Variants in UTS2B observed in about 807,000 individuals in gnomAD.
UTS2B encodes the protein urotensin-2B.
UTS2B carries 21 observed loss-of-function variants against 19.2 expected under a neutral mutation model. The ratio of observed to expected loss-of-function variants is 1.09; its 90% CI spans 0.78 to 1.58. UTS2B has a LOEUF of 1.58. Among genes scored for constraint, UTS2B ranks in the 40% most tolerant of loss-of-function variants. UTS2B has a pLI of 0.00. For missense variants in UTS2B, 138 were observed against 130.3 expected (o/e 1.06, Z -0.29); for synonymous variants, 57 against 50.2 (o/e 1.14, Z -0.58).
At chr3:191,288,631 A>AT (rs1387548530) in intron 4 of UTS2B, among the ~76,000 whole-genome samples, 1 of 152,104 alleles carries the variant, frequency 6.6e-6, no homozygotes, top group Non-Finnish European at 1.5e-5. Flanking sequence ...CTCAAAGTAG[A>AT]TTAAAGACTT....
chr3:191,272,923 G>C (rs1199537871), intron 8 of UTS2B, among the ~76,000 whole-genome samples: 1 of 150,102 alleles, frequency 6.7e-6, no homozygotes, highest in African/African-American at 2.4e-5. Flanking sequence ...CCAGCACTTT[G>C]AGAGCTCAAG....
At chr3:191,282,468 C>G (rs964194950) in intron 4 of UTS2B, 155 bp from the exon 5 acceptor site, 3 of 264,630 alleles carry the variant, frequency 1.1e-5, no homozygotes, top group African/African-American at 2.2e-5. Context: ...GCCCACTTCA[C>G]TAAAAGCAAG....
In UTS2B at chr3:191,267,621, A is replaced by G. The variant is rs1374064747; in HGVS notation, c.*795T>C. On this transcript the variant is annotated 3_prime_UTR_variant, in exon 9 of 9. Transcript: ENST00000340524. The stretch of plus-strand genomic sequence containing the variant: ...TCCCATGGTGCCAACAATGCACTGG[A>G]TATACCAGCATTTATTATTAAGTTT... 1 of 152,230 alleles carries G rather than the reference A, an allele frequency of 6.6e-6. No homozygotes were observed. Among genetic ancestry groups the G allele is most frequent in the Admixed American group, 6.5e-5 (1 of 15,290 alleles). 9.4% of individuals were successfully genotyped at this position (152,230 alleles called of 1,614,324 possible).
intron 4 of UTS2B, among the ~76,000 whole-genome samples, chr3:191,291,806 T>C (rs940950854): frequency 6.6e-6 from 1 of 151,788 alleles, no homozygotes; most frequent in African/African-American, 2.4e-5. Context: ...TTCACCTTTA[T>C]TTATTTATTT....
the UTS2B span, among the ~76,000 whole-genome samples, chr3:191,337,141 A>C: frequency 2.6e-5 from 4 of 151,888 alleles, no homozygotes; most frequent in Admixed American, 2.6e-4. Flanking sequence ...GGCAAAGCTT[A>C]AATTTTTTGC....
intron 4 of UTS2B, among the ~76,000 whole-genome samples, chr3:191,290,815 G>A (rs1716692880): frequency 6.6e-6 from 1 of 152,228 alleles, no homozygotes; most frequent in Non-Finnish European, 1.5e-5. Context: ...TTCTCACGAT[G>A]AGTGACAAGA....
intron 4 of UTS2B, among the ~76,000 whole-genome samples, chr3:191,290,529 G>A (rs1019664338): frequency 4.6e-5 from 7 of 152,074 alleles, no homozygotes; most frequent in Admixed American, 6.6e-5. Flanking sequence ...TCTACCCAAC[G>A]CAGAGCTACA....
At chr3:191,279,028 T>C (rs553987841) in intron 5 of UTS2B, among the ~76,000 whole-genome samples, 1 of 152,168 alleles carries the variant, frequency 6.6e-6, no homozygotes, top group East Asian at 1.9e-4. Context: ...GTGAGTACTG[T>C]GGTTTCAGCT....
At chr3:191,289,143 C>T (rs1271568163) in intron 4 of UTS2B, among the ~76,000 whole-genome samples, 1 of 152,170 alleles carries the variant, frequency 6.6e-6, no homozygotes, top group East Asian at 1.9e-4. Flanking sequence ...GGCGCAGTGG[C>T]TCACGCCTGT....
At chr3:191,332,605 G>A (rs966993985), upstream of UTS2B, among the ~76,000 whole-genome samples, 3 of 152,312 alleles carry the variant, frequency 2.0e-5, no homozygotes, top group African/African-American at 4.8e-5. Flanking sequence ...TGCAATTTGC[G>A]AATGTTAGGG....
chr3:191,327,797 T>C (rs1717787634), intron 2 of UTS2B, among the ~76,000 whole-genome samples: 1 of 152,174 alleles, frequency 6.6e-6, no homozygotes, highest in South Asian at 2.1e-4. Flanking sequence ...AATACTGCTG[T>C]TATAAATATT....
chr3:191,295,447 C>T (rs1716834067), intron 4 of UTS2B, among the ~76,000 whole-genome samples: 1 of 151,958 alleles, frequency 6.6e-6, no homozygotes, highest in Admixed American at 6.6e-5. Flanking sequence ...AGCATTTCCT[C>T]TTTCTCTGAC....
At chr3:191,309,200 C>T (rs541833653) in intron 3 of UTS2B, among the ~76,000 whole-genome samples, 1 of 152,090 alleles carries the variant, frequency 6.6e-6, no homozygotes, top group African/African-American at 2.4e-5. Flanking sequence ...GTCTCGCTCT[C>T]GCCCAGGCTG....
At chr3:191,345,227 C>G in the UTS2B span, among the ~76,000 whole-genome samples, 1,175 of 152,106 alleles carry the variant, frequency 7.7e-3, 38 homozygotes, top group East Asian at 0.062. Context: ...TTTGTTACTC[C>G]CAGCAAAAAA....
At position 191,269,285 on chromosome 3, in the gene UTS2B, G is replaced by A. The variant is rs570741373; in HGVS notation, c.335-844C>T. Among the ~76,000 whole-genome samples, 17 of 152,222 alleles carry A rather than the reference G, an allele frequency of 1.1e-4. 1 individual carries two copies. The South Asian group carries it at 3.5e-3, about 32-fold the overall frequency. ...ATGAATGATAAATTTCTATGTGCTT[G>A]CCCAGGTTTTCCTCCCCAAATACAC... On this transcript the variant is annotated intron_variant, in intron 8 of 8. Coordinates refer to ENST00000340524, the MANE Select transcript of UTS2B (RefSeq NM_198152.5).
chr3:191,295,659 CA>C (rs2108588773), intron 4 of UTS2B, among the ~76,000 whole-genome samples: 1 of 152,066 alleles, frequency 6.6e-6, no homozygotes, highest in African/African-American at 2.4e-5. Context: ...CAAGGCTTCT[CA>C]ACCATGTCAC....
chr3:191,306,912 G>A (rs1264732975), intron 3 of UTS2B, among the ~76,000 whole-genome samples: 1 of 152,172 alleles, frequency 6.6e-6, no homozygotes, highest in African/African-American at 2.4e-5. Context: ...GATTATAGGC[G>A]TGATCCACTG....
upstream of UTS2B, among the ~76,000 whole-genome samples, chr3:191,334,237 A>C (rs1718074241): frequency 6.6e-6 from 1 of 152,142 alleles, no homozygotes; most frequent in Non-Finnish European, 1.5e-5. Context: ...GAATGCATGG[A>C]GTTGTTGAAA....
At chr3:191,342,748 G>C in the UTS2B span, among the ~76,000 whole-genome samples, 59 of 152,290 alleles carry the variant, frequency 3.9e-4, 1 homozygote, top group East Asian at 0.01. Flanking sequence ...GAAGGTTGGA[G>C]TTTCTTTAGG....
Sources: gnomAD v4.1 joint callset for allele counts (sites outside exome capture counted in the v4.1 genomes callset) on GRCh38, gnomAD v4.1.1 for gene constraint, MANE v1.5 for transcripts, NCBI Gene and HGNC (gene_info 2026-07-23, HGNC 2026-07-21) for gene names.